JAKMIP2: variants seen among roughly 807,000 people sequenced by gnomAD.
JAKMIP2 encodes the protein janus kinase and microtubule interacting protein 2.
Under a neutral mutation model 115.0 loss-of-function variants are expected in JAKMIP2, and 25 were observed. The ratio of observed to expected loss-of-function variants is 0.22; its 90% CI spans 0.16 to 0.30. The LOEUF is 0.30. Ranked by LOEUF, JAKMIP2 falls within the 10% of genes least tolerant of loss-of-function variation. JAKMIP2 has a pLI of 1.00. For missense variants in JAKMIP2, 642 were observed against 957.6 expected (o/e 0.67, Z 4.35); for synonymous variants, 334 against 343.6 (o/e 0.97, Z 0.31).
At chr5:147,629,470 G>A (rs529745336) in intron 15 of JAKMIP2, among the ~76,000 whole-genome samples, 3 of 152,050 alleles carry the variant, frequency 2.0e-5, no homozygotes, top group Non-Finnish European at 2.9e-5. Context: ...AAACCTGCCC[G>A]CAAAAAGCAC....
In JAKMIP2 at chr5:147,618,157, T is replaced by C. The variant is rs781654595; in HGVS notation, c.2143-43A>G. On this transcript the variant is annotated intron_variant, in intron 18 of 21. Transcript: ENST00000616793. ...AAAAGTCTAACTTTGGAACTTGGCA[T>C]TGATATCTGGTGTGGGAGTGTATGC... is the stretch of plus-strand genomic sequence containing the variant. 7 of 1,472,160 alleles carry C rather than the reference T, an allele frequency of 4.8e-6. No homozygotes were observed. The African/African-American group carries it at 5.6e-5, about 12-fold the overall frequency. 91.2% of individuals were successfully genotyped at this position (1,472,160 alleles called of 1,614,324 possible).
rs183642770 is a variant in JAKMIP2, at chr5:147,722,478, T to G, written c.-148-50524A>C. On this transcript the variant is annotated intron_variant, in intron 1 of 21. Coordinates refer to ENST00000616793, the MANE Select transcript of JAKMIP2 (RefSeq NM_001270941.2). The stretch of plus-strand genomic sequence containing the variant: ...ATTCCTCTTCATGATTTCCCAAATC[T>G]CTAAATCTTGGAGGATTTGCACCAA... Among the ~76,000 whole-genome samples, 229 of 152,332 alleles carry G rather than the reference T, an allele frequency of 1.5e-3. 2 individuals are homozygous for G. The highest frequency in any genetic ancestry group is 5.3e-3 in the African/African-American group (220 of 41,574).
At chr5:147,611,223 C>T (rs559761461) in intron 20 of JAKMIP2, among the ~76,000 whole-genome samples, 2 of 152,272 alleles carry the variant, frequency 1.3e-5, no homozygotes, top group African/African-American at 4.8e-5. Context: ...CCAGGTGCCA[C>T]TGGGGTATGA....
intron 1 of JAKMIP2, among the ~76,000 whole-genome samples, chr5:147,745,351 T>A (rs1754314729): frequency 6.6e-6 from 1 of 152,208 alleles, no homozygotes; most frequent in Admixed American, 6.5e-5. Context: ...TTGAGTTTTG[T>A]TGGATTCTGC....
intron 8 of JAKMIP2, 135 bp downstream of exon 8, chr5:147,641,573 G>T: frequency 1.7e-6 from 1 of 587,566 alleles, no homozygotes. Context: ...TTTTCTTCTA[G>T]CAAATAATGC....
intron 1 of JAKMIP2, among the ~76,000 whole-genome samples, chr5:147,729,395 G>A (rs1335022335): frequency 3.3e-5 from 5 of 152,102 alleles, no homozygotes; most frequent in Admixed American, 1.3e-4. Flanking sequence ...TGGGGCAGGG[G>A]AGGACAGAAA....
At chr5:147,776,554 G>A (rs988419084) in intron 1 of JAKMIP2, among the ~76,000 whole-genome samples, 2 of 152,082 alleles carry the variant, frequency 1.3e-5, no homozygotes, top group African/African-American at 4.8e-5. Context: ...GTGTGAGAAC[G>A]GACTAATACA....
rs759873611 is a variant in JAKMIP2 at position 147,650,350 on chromosome 5, G to C, written c.825C>G (p.His275Gln). Reference sequence around the variant, plus strand: ...AGAATGGACTTACAGGACTGCTGCAGTGTTCGGAACCATCACCTGCCCTTC... The same window carrying C: ...AGAATGGACTTACAGGACTGCTGCACTGTTCGGAACCATCACCTGCCCTTC... The part of the protein sequence containing the change: ...IPGRAGDGSE[H>Q]CSSPDLRRNQ... The change falls in exon 4 of 22, where the codon CAC (histidine) becomes CAG (glutamine). Residue 275 changes from histidine (H) to glutamine (Q), a missense_variant. Transcript: ENST00000616793. 9.9e-6 allele frequency: 16 copies of C among 1,608,378 alleles called. No homozygotes were observed. The highest frequency in any genetic ancestry group is 1.4e-5 in the Non-Finnish European group (16 of 1,174,770).
At chr5:147,686,296 G>A (rs1760566569) in intron 1 of JAKMIP2, among the ~76,000 whole-genome samples, 2 of 152,036 alleles carry the variant, frequency 1.3e-5, no homozygotes, top group African/African-American at 4.8e-5. Context: ...CAGTTAGATT[G>A]GAACTTGAAT....
rs1554087549 is a variant in JAKMIP2, at chr5:147,782,664, G to GCAGCA, written c.-358_-357insTGCTG. 6.0e-5 allele frequency: 38 copies of GCAGCA among 636,656 alleles called. No individual in the cohort carries two copies. Among genetic ancestry groups the GCAGCA allele is most frequent in the Non-Finnish European group, 1.1e-4 (37 of 350,042 alleles). 39.4% of individuals were successfully genotyped at this position (636,656 alleles called of 1,614,324 possible). ...TATCAGCAATAGAGGCGGCGGCGGC[G>GCAGCA]GCAGCAGCAGCAGCAGCAGCATCAC... is the stretch of plus-strand genomic sequence containing the variant. On this transcript the variant is annotated 5_prime_UTR_variant, in exon 1 of 22. The change creates a premature stop within an existing upstream ORF in the 5' untranslated region. Coordinates refer to ENST00000616793, the MANE Select transcript of JAKMIP2 (RefSeq NM_001270941.2).
intron 14 of JAKMIP2, among the ~76,000 whole-genome samples, chr5:147,630,370 A>G (rs913311568): frequency 7.9e-5 from 12 of 152,264 alleles, no homozygotes; most frequent in African/African-American, 2.9e-4. Context: ...TTTATCTGAG[A>G]AAAAATGCAT....
In JAKMIP2 at chr5:147,644,168, T is replaced by G; in HGVS notation, c.1114A>C (p.Lys372Gln). The stretch of plus-strand genomic sequence containing the variant: ...AGGTCATTCAGAGATTTTAATTTCT[T>G]CAGGGGTGGATGGGATGTTATTTTT... ...REKITSHPPL[K>Q]KLKSLNDLDQ... The change falls in exon 7 of 22, where the codon AAG becomes CAG. Residue 372 changes from lysine (K) to glutamine (Q), a missense_variant. By Grantham distance (53) the Lys-to-Gln change is moderately conservative (BLOSUM62 1). Transcript: ENST00000616793. 6.3e-7 allele frequency: 1 copy of G among 1,599,610 alleles called. No homozygotes were observed. The highest frequency in any genetic ancestry group is 8.5e-7 in the Non-Finnish European group (1 of 1,169,646).
intron 2 of JAKMIP2, among the ~76,000 whole-genome samples, chr5:147,667,101 T>C (rs530920363): frequency 6.6e-6 from 1 of 152,248 alleles, no homozygotes; most frequent in African/African-American, 2.4e-5. Flanking sequence ...ACGTATTGTG[T>C]TCTCTGGCAT....
chr5:147,735,105 C>G (rs1180528084), intron 1 of JAKMIP2, among the ~76,000 whole-genome samples: 4 of 152,126 alleles, frequency 2.6e-5, no homozygotes, highest in Non-Finnish European at 5.9e-5. Flanking sequence ...ACTGAGGTGT[C>G]TCTATTTCTA....
intron 3 of JAKMIP2, among the ~76,000 whole-genome samples, chr5:147,655,959 G>A (rs1370764488): frequency 6.6e-6 from 1 of 152,190 alleles, no homozygotes; most frequent in African/African-American, 2.4e-5. Context: ...TTACCCAGTA[G>A]TCATTCAGGA....
intron 1 of JAKMIP2, among the ~76,000 whole-genome samples, chr5:147,751,050 T>G (rs1360806564): frequency 6.6e-6 from 1 of 151,604 alleles, no homozygotes; most frequent in Non-Finnish European, 1.5e-5. Flanking sequence ...ATGGTTATAT[T>G]TTCCCTGTTA....
At chr5:147,697,292 T>C (rs1580797488) in intron 1 of JAKMIP2, among the ~76,000 whole-genome samples, 1 of 152,208 alleles carries the variant, frequency 6.6e-6, no homozygotes, top group East Asian at 1.9e-4. Flanking sequence ...TCAGCAGATC[T>C]CATGAGACTT....
At chr5:147,749,663 C>A (rs1258121977) in intron 1 of JAKMIP2, among the ~76,000 whole-genome samples, 1 of 152,124 alleles carries the variant, frequency 6.6e-6, no homozygotes, top group Non-Finnish European at 1.5e-5. Context: ...GTAGTGGATG[C>A]CTAATAAATG....
intron 2 of JAKMIP2, among the ~76,000 whole-genome samples, chr5:147,670,780 G>A (rs1759539908): frequency 6.6e-6 from 1 of 152,144 alleles, no homozygotes; most frequent in Non-Finnish European, 1.5e-5. Flanking sequence ...TATAAGGAAT[G>A]CATCATCTTT....
Sources: allele counts gnomAD v4.1 joint callset (sites outside exome capture counted in the v4.1 genomes callset), GRCh38; gene constraint gnomAD v4.1.1; transcripts MANE v1.5; gene names NCBI Gene and HGNC (gene_info 2026-07-23, HGNC 2026-07-21).